The following SYBU variants were observed in gnomAD, a reference collection of about 807,000 sequenced individuals.
SYBU encodes GOLSYN A protein.
In SYBU, 21 loss-of-function variants were observed where a neutral mutation model predicts 35.9. The ratio of observed to expected loss-of-function variants is 0.58; its 90% CI spans 0.41 to 0.84. SYBU has a LOEUF of 0.84. SYBU is among the 40% of genes least tolerant of loss of function. SYBU has a pLI of 0.00. For synonymous variants in SYBU, 319 were observed against 324.3 expected (o/e 0.98, Z 0.18); for missense variants, 768 against 848.2 (o/e 0.91, Z 1.17).
chr8:109,666,500 A>C (rs1057491665), intron 1 of SYBU, among the ~76,000 whole-genome samples: 1 of 152,156 alleles, frequency 6.6e-6, no homozygotes, highest in Non-Finnish European at 1.5e-5. Flanking sequence ...CAGAACTTTG[A>C]CAGGCCAAGG....
intron 3 of SYBU, among the ~76,000 whole-genome samples, chr8:109,609,358 G>T (rs1810923958): frequency 6.6e-6 from 1 of 152,162 alleles, no homozygotes; most frequent in Non-Finnish European, 1.5e-5. Flanking sequence ...TTCACAAACA[G>T]ATTTTGTAAT....
intron 2 of SYBU, among the ~76,000 whole-genome samples, chr8:109,633,151 A>T (rs1421060922): frequency 6.6e-6 from 1 of 152,244 alleles, no homozygotes; most frequent in African/African-American, 2.4e-5. Context: ...GAATTTAAAA[A>T]TAAAAATATA....
chr8:109,673,694 A>G (rs1330760060), intron 1 of SYBU, among the ~76,000 whole-genome samples: 1 of 152,212 alleles, frequency 6.6e-6, no homozygotes, highest in Non-Finnish European at 1.5e-5. Flanking sequence ...TGACGAATTG[A>G]CAGAAATAGG....
At position 109,578,001 on chromosome 8, in the gene SYBU, T is replaced by C. The variant is rs1822552921; in HGVS notation, c.751A>G (p.Met251Val). The C allele has an allele frequency of 1.1e-5, 17 of 1,610,964 alleles. No homozygotes were observed. The highest frequency in any genetic ancestry group is 4.5e-5 in the East Asian group (2 of 44,872). The change falls in exon 6 of 7, where the codon ATG (methionine) becomes GTG (valine). Residue 251 changes from methionine to valine, a missense_variant. By Grantham distance (21) the Met-to-Val change is conservative. Transcript: ENST00000276646. The stretch of plus-strand genomic sequence containing the variant: ...ACACCATGATTTTCACCGCAAGACA[T>C]GTACCTTCCAGAACGCCTGAAACAA... ...SPIMRRSGRY[M>V]SCGENHGVRP... is the part of the protein sequence containing the mutation.
chr8:109,639,044 G>C (rs1814558737), intron 2 of SYBU, among the ~76,000 whole-genome samples: 1 of 152,204 alleles, frequency 6.6e-6, no homozygotes, highest in Non-Finnish European at 1.5e-5. Context: ...GCAAGAGGGA[G>C]GCAGTGGAGT....
At chr8:109,599,720 C>G (rs896177580) in intron 3 of SYBU, among the ~76,000 whole-genome samples, 4 of 152,200 alleles carry the variant, frequency 2.6e-5, no homozygotes, top group Non-Finnish European at 4.4e-5. Context: ...CCACACTACT[C>G]CAGAGAAGAA....
At chr8:109,601,315 C>T (rs940441285) in intron 3 of SYBU, among the ~76,000 whole-genome samples, 2 of 152,200 alleles carry the variant, frequency 1.3e-5, no homozygotes, top group African/African-American at 2.4e-5. Flanking sequence ...TCTGACATCA[C>T]TCTGCTTGAT....
intron 1 of SYBU, among the ~76,000 whole-genome samples, chr8:109,655,837 A>G (rs1816331375): frequency 6.6e-6 from 1 of 152,194 alleles, no homozygotes; most frequent in Non-Finnish European, 1.5e-5. Flanking sequence ...GATCTAGACC[A>G]GGCGTGGTGG....
chr8:109,645,063 G>A, upstream of SYBU: 8 of 496,644 alleles, frequency 1.6e-5, no homozygotes, highest in South Asian at 9.4e-5. Flanking sequence ...GCGGCTAGCG[G>A]CATCTCCAGC....
intron 3 of SYBU, among the ~76,000 whole-genome samples, chr8:109,601,899 A>G (rs1825571112): frequency 6.6e-6 from 1 of 152,222 alleles, no homozygotes; most frequent in South Asian, 2.1e-4. Context: ...GACATACTGA[A>G]GGCAAGAGAG....
rs187450577 is a variant in SYBU, at chr8:109,673,917, C to T, written c.-129+6794G>A. On this transcript the variant is annotated intron_variant, in intron 1 of 5. Transcript: ENST00000408889. ...AGTATCAATAGCCAAATTGATATAG[C>T]AGAAGATATATCAGAGATTGAAGAT... 1.7e-4 allele frequency among the ~76,000 whole-genome samples: 25 copies of T among 150,130 alleles called. No individual in the cohort carries two copies. In the East Asian group the frequency reaches 3.6e-3, roughly 21 times the overall value.
intron 2 of SYBU, among the ~76,000 whole-genome samples, chr8:109,621,220 C>G (rs922542314): frequency 9.2e-5 from 14 of 152,292 alleles, no homozygotes; most frequent in African/African-American, 3.4e-4. Context: ...TTACATTTTT[C>G]TGAAGTTAAA....
upstream of SYBU, chr8:109,645,633 G>GTTTTTGTT: frequency 4.4e-6 from 1 of 228,144 alleles, no homozygotes; most frequent in Non-Finnish European, 8.5e-6. Context: ...TTCGTTTTTT[G>GTTTTTGTT]TTTTTTTTTT....
upstream of SYBU, among the ~76,000 whole-genome samples, chr8:109,685,726 T>C (rs1362331370): frequency 6.6e-6 from 1 of 152,202 alleles, no homozygotes; most frequent in Non-Finnish European, 1.5e-5. Flanking sequence ...TCTACAAACA[T>C]ATAAATAGTA....
intron 2 of SYBU, among the ~76,000 whole-genome samples, chr8:109,639,006 T>C (rs538599096): frequency 3.5e-4 from 54 of 152,196 alleles, no homozygotes; most frequent in Non-Finnish European, 6.8e-4. Flanking sequence ...AGTCATTAAA[T>C]GTTCCTTGCC....
At chr8:109,609,745 C>T (rs1038071907) in intron 3 of SYBU, among the ~76,000 whole-genome samples, 2 of 152,132 alleles carry the variant, frequency 1.3e-5, no homozygotes, top group African/African-American at 2.4e-5. Context: ...GCCTGGGGGA[C>T]AGAGCAAGAC....
chr8:109,598,576 TACTC>T (rs1470471011), intron 3 of SYBU, among the ~76,000 whole-genome samples: 4 of 152,238 alleles, frequency 2.6e-5, no homozygotes, highest in Non-Finnish European at 5.9e-5. Flanking sequence ...GCACAGTAAA[TACTC>T]ATCATCATCA....
intron 3 of SYBU, among the ~76,000 whole-genome samples, chr8:109,606,323 T>C (rs1826063626): frequency 6.6e-6 from 1 of 152,206 alleles, no homozygotes; most frequent in Admixed American, 6.5e-5. Flanking sequence ...TAGAAGTTAA[T>C]TTTTTTGTAT....
Position 109,582,256 on chromosome 8 carries a change from T to C in SYBU, c.531-2254A>G, listed in dbSNP as rs1823117775. Among the ~76,000 whole-genome samples the C allele has an allele frequency of 5.9e-5, 9 of 152,324 alleles. No individual in the cohort carries two copies. The South Asian group carries it at 1.9e-3, about 32-fold the overall frequency. ...TCAGGAAATAAATTATCAGACAGTTTGTAAGAGCTAACTTTTTAAAAAGAA... is the reference window on the plus strand; with the variant it reads ...TCAGGAAATAAATTATCAGACAGTTCGTAAGAGCTAACTTTTTAAAAAGAA... On this transcript the variant is annotated intron_variant, in intron 4 of 6. Coordinates refer to ENST00000276646, the MANE Select transcript of SYBU (RefSeq NM_001099754.2).
Sources: gnomAD v4.1 joint callset for allele counts (sites outside exome capture counted in the v4.1 genomes callset) on GRCh38, gnomAD v4.1.1 for gene constraint, MANE v1.5 for transcripts, NCBI Gene and HGNC (gene_info 2026-07-23, HGNC 2026-07-21) for gene names.